Variants in SYNE1 observed in about 807,000 individuals in gnomAD.
SYNE1 encodes spectrin repeat containing nuclear envelope protein 1.
SYNE1 carries 616 observed loss-of-function variants against 1,111.0 expected under a neutral mutation model. The observed-to-expected ratio is 0.55, with a 90% CI of 0.52 to 0.59. The LOEUF is 0.59. Ranked by LOEUF, SYNE1 falls within the 20% of genes least tolerant of loss-of-function variation. The pLI, the probability that SYNE1 is intolerant of heterozygous loss-of-function variation, is 0.00. For missense variants in SYNE1, 10,006 were observed against 10,417.0 expected (o/e 0.96, Z 1.72); for synonymous variants, 3,855 against 3,825.8 (o/e 1.01, Z -0.28).
At position 152,359,380 on chromosome 6, in the gene SYNE1, A is replaced by C. The variant is rs199566917; in HGVS notation, c.10378T>G (p.Tyr3460Asp). 1 of 1,614,166 alleles carries C rather than the reference A, an allele frequency of 6.2e-7. No individual in the cohort carries two copies. Residue 3460 changes from tyrosine (Y) to aspartate (D), a missense_variant, in exon 65 of 146, where the codon TAT (tyrosine) becomes GAT (aspartate). Tyr to Asp is a radical substitution (Grantham distance 160). Transcript: ENST00000367255. ...EVKGAGMTEH[Y>D]VTQLELQDLQ... The stretch of plus-strand genomic sequence containing the variant: ...TCCTGGAGTTCTAGCTGGGTGACAT[A>C]GTGTTCTGTCATGCCAGCCCCTTTG...
intron 33 of SYNE1, 189 bp downstream of exon 33, chr6:152,435,752 G>C: frequency 1.5e-6 from 1 of 659,450 alleles, no homozygotes; most frequent in Non-Finnish European, 2.5e-6. Context: ...ATATTTTTTG[G>C]GCTCTGTTAT....
chr6:152,489,323 G>A (rs1483571700), intron 11 of SYNE1, among the ~76,000 whole-genome samples: 1 of 152,170 alleles, frequency 6.6e-6, no homozygotes, highest in African/African-American at 2.4e-5. Flanking sequence ...TGACAGTGCT[G>A]TGACACAGGT....
chr6:152,535,003 G>A (rs1225599958), intron 4 of SYNE1, among the ~76,000 whole-genome samples: 1 of 152,244 alleles, frequency 6.6e-6, no homozygotes, highest in East Asian at 1.9e-4. Context: ...ACTCACCAGA[G>A]ATATGCTGAA....
At chr6:152,625,971 CTA>C (rs1435678719) in intron 3 of SYNE1, among the ~76,000 whole-genome samples, 1 of 152,148 alleles carries the variant, frequency 6.6e-6, no homozygotes, top group Non-Finnish European at 1.5e-5. Context: ...AATGGGGCAC[CTA>C]GACACGTAGA....
At chr6:152,622,141 T>C (rs2099676875) in intron 3 of SYNE1, among the ~76,000 whole-genome samples, 1 of 152,210 alleles carries the variant, frequency 6.6e-6, no homozygotes, top group Non-Finnish European at 1.5e-5. Context: ...TTTTACACAA[T>C]ATTTATGTGG....
intron 84 of SYNE1, among the ~76,000 whole-genome samples, chr6:152,320,894 G>A (rs1004318245): frequency 6.6e-6 from 1 of 152,038 alleles, no homozygotes; most frequent in Non-Finnish European, 1.5e-5. Flanking sequence ...TTGTTGCACT[G>A]CTGAAATAAA....
At chr6:152,456,159 A>G (rs2098694571) in intron 22 of SYNE1, 115 bp from the exon 23 acceptor site, 1 of 1,125,130 alleles carries the variant, frequency 8.9e-7, no homozygotes, top group Non-Finnish European at 1.3e-6. Flanking sequence ...TTAGGCTTCT[A>G]ACACCAATAA....
At chr6:152,177,697 C>G (rs9479235) in intron 129 of SYNE1, among the ~76,000 whole-genome samples, 1 of 152,084 alleles carries the variant, frequency 6.6e-6, no homozygotes, top group African/African-American at 2.4e-5. Flanking sequence ...AAGACCAATA[C>G]GTTGAATGTA....
At chr6:152,310,123 A>G in intron 89 of SYNE1, 106 bp from the exon 90 acceptor site, 1 of 490,512 alleles carries the variant, frequency 2.0e-6, no homozygotes. Flanking sequence ...ACATTTTGCA[A>G]AAAAAAAAAA....
rs1257858101 is a variant in SYNE1, at chr6:152,128,740, G to T, written c.26153+1980C>A. 5 of 152,168 alleles carry T rather than the reference G, an allele frequency of 3.3e-5. No individual in the cohort carries two copies. In the East Asian group the frequency reaches 9.6e-4, roughly 29 times the overall value. 9.4% of individuals were successfully genotyped at this position (152,168 alleles called of 1,614,324 possible). ...GCTTCTGCAATAACCTTTCCAATTTGCTGGACCAGTGCAAGATTAAACACG... is the reference window on the plus strand; with the variant it reads ...GCTTCTGCAATAACCTTTCCAATTTTCTGGACCAGTGCAAGATTAAACACG... On this transcript the variant is annotated intron_variant, in intron 145 of 145. Transcript: ENST00000367255.
chr6:152,443,352 T>A (rs1257390400), intron 30 of SYNE1, among the ~76,000 whole-genome samples: 7 of 152,042 alleles, frequency 4.6e-5, no homozygotes, highest in Admixed American at 2.0e-4. Context: ...GCAAGCTCCG[T>A]CTCCCGGGTT....
intron 86 of SYNE1, 126 bp downstream of exon 86, chr6:152,317,955 C>T: frequency 1.6e-6 from 2 of 1,265,080 alleles, no homozygotes; most frequent in South Asian, 2.5e-5. Context: ...AAATAAGCTA[C>T]ACCTAAACTA....
intron 74 of SYNE1, among the ~76,000 whole-genome samples, chr6:152,340,083 T>C (rs750690286): frequency 2.8e-4 from 42 of 152,156 alleles, no homozygotes; most frequent in Non-Finnish European, 4.4e-4. Context: ...TTAAATATCA[T>C]GTGGGAAAAT....
intron 3 of SYNE1, among the ~76,000 whole-genome samples, chr6:152,621,294 A>G (rs2099674741): frequency 6.6e-6 from 1 of 152,238 alleles, no homozygotes; most frequent in African/African-American, 2.4e-5. Context: ...AGGTCAAAGA[A>G]GTAATTTTGC....
chr6:152,415,762 T>A (rs1441149672), intron 41 of SYNE1, among the ~76,000 whole-genome samples: 3 of 128,782 alleles, frequency 2.3e-5, no homozygotes, highest in Admixed American at 9.3e-5. Context: ...AGTGTCAAAT[T>A]AGTCGTTAAT....
chr6:152,460,505 C>T (rs2098725366), intron 21 of SYNE1, among the ~76,000 whole-genome samples: 1 of 151,974 alleles, frequency 6.6e-6, no homozygotes, highest in South Asian at 2.1e-4. Flanking sequence ...CCTTTCTTTC[C>T]TATTTAACAG....
chr6:152,568,454 C>T (rs2099428420), intron 3 of SYNE1, among the ~76,000 whole-genome samples: 1 of 151,796 alleles, frequency 6.6e-6, no homozygotes, highest in Non-Finnish European at 1.5e-5. Context: ...AAATGCGTAC[C>T]ACCACACTCG....
At chr6:152,529,701 G>A (rs965643740) in intron 4 of SYNE1, among the ~76,000 whole-genome samples, 10 of 152,198 alleles carry the variant, frequency 6.6e-5, no homozygotes, top group Non-Finnish European at 7.3e-5. Context: ...CAGTCTTTCA[G>A]AGGTGAATGA....
chr6:152,376,203 G>T (rs757142352), intron 58 of SYNE1, 178 bp downstream of exon 58: 2 of 622,458 alleles, frequency 3.2e-6, no homozygotes, highest in South Asian at 1.9e-5. Context: ...CTGACAGGAG[G>T]TGGAGCTCAG....
Sources: gnomAD v4.1 joint callset for allele counts (sites outside exome capture counted in the v4.1 genomes callset) on GRCh38, gnomAD v4.1.1 for gene constraint, MANE v1.5 for transcripts, NCBI Gene and HGNC (gene_info 2026-07-23, HGNC 2026-07-21) for gene names.